SPRED2: variants seen among roughly 807,000 people sequenced by gnomAD.
SPRED2 encodes the protein sprouty related EVH1 domain containing 2.
SPRED2 carries 47 observed loss-of-function variants against 43.0 expected under a neutral mutation model. That is an observed-to-expected ratio of 1.09 (90% confidence interval 0.87 to 1.40). The LOEUF (loss-of-function observed/expected upper bound fraction) is 1.40. Among genes scored for constraint, SPRED2 ranks in the 40% most tolerant of loss-of-function variants. The pLI is 0.00. For synonymous variants in SPRED2, 225 were observed against 225.7 expected (o/e 1.00, Z 0.03); for missense variants, 561 against 586.4 (o/e 0.96, Z 0.45).
At chr2:65,360,506 T>C (rs1674782780) in intron 1 of SPRED2, among the ~76,000 whole-genome samples, 3 of 152,268 alleles carry the variant, frequency 2.0e-5, no homozygotes, top group Non-Finnish European at 2.9e-5. Flanking sequence ...GAAGGAAACA[T>C]TGTCATATGC....
intron 1 of SPRED2, among the ~76,000 whole-genome samples, chr2:65,413,703 A>G (rs1676213331): frequency 6.6e-6 from 1 of 152,178 alleles, no homozygotes; most frequent in Non-Finnish European, 1.5e-5. Context: ...CATCCTTCTC[A>G]GCTCCCTTGA....
At chr2:65,322,442 T>C (rs991720822) in intron 4 of SPRED2, among the ~76,000 whole-genome samples, 2 of 151,458 alleles carry the variant, frequency 1.3e-5, no homozygotes, top group African/African-American at 4.9e-5. Flanking sequence ...TATAGGCACT[T>C]GCCACCACAC....
intron 4 of SPRED2, among the ~76,000 whole-genome samples, chr2:65,317,714 A>T (rs1673285918): frequency 6.6e-6 from 1 of 152,130 alleles, no homozygotes; most frequent in Non-Finnish European, 1.5e-5. Flanking sequence ...AGAGGTAAGG[A>T]TACCGCTGGC....
At chr2:65,394,547 C>G (rs2103697343) in intron 1 of SPRED2, among the ~76,000 whole-genome samples, 1 of 152,332 alleles carries the variant, frequency 6.6e-6, no homozygotes, top group East Asian at 1.9e-4. Context: ...CTAGATCCAA[C>G]ATTCATCGGA....
chr2:65,308,708 GAAAA>G, downstream of SPRED2: 1 of 383,504 alleles, frequency 2.6e-6, no homozygotes, highest in Non-Finnish European at 3.6e-6. Context: ...TTAAATCTGA[GAAAA>G]CTCAGAAAGG....
chr2:65,360,064 C>CAAAAAAAAAAAAAAAA (rs1243375319), intron 1 of SPRED2, among the ~76,000 whole-genome samples: 1 of 43,226 alleles, frequency 2.3e-5, no homozygotes, highest in Admixed American at 2.8e-4. Context: ...GACTCCATCT[C>CAAAAAAAAAAAAAAAA]AAAAAAAAAA....
intron 4 of SPRED2, 118 bp from the exon 5 acceptor site, chr2:65,317,001 C>G: frequency 9.2e-7 from 1 of 1,090,296 alleles, no homozygotes; most frequent in South Asian, 1.5e-5. Flanking sequence ...CAATTTGCTG[C>G]TCTTCCCAAA....
chr2:65,399,114 T>TA (rs1675822921), intron 1 of SPRED2, among the ~76,000 whole-genome samples: 1 of 151,716 alleles, frequency 6.6e-6, no homozygotes, highest in East Asian at 2.0e-4. Flanking sequence ...CTGTCTCTCT[T>TA]AAAAAATAAG....
intron 2 of SPRED2, among the ~76,000 whole-genome samples, chr2:65,339,708 A>G (rs1674122022): frequency 7.6e-6 from 1 of 130,980 alleles, no homozygotes; most frequent in Non-Finnish European, 1.6e-5. Flanking sequence ...TCAATAAAAA[A>G]TAAAATAAAA....
chr2:65,429,884 C>A (rs1676639329), intron 1 of SPRED2, among the ~76,000 whole-genome samples: 1 of 152,212 alleles, frequency 6.6e-6, no homozygotes. Context: ...CTCTGAGAGC[C>A]TGAAATGGAG....
Position 65,311,806 on chromosome 2 carries a change from G to A in SPRED2, c.*1695C>T, listed in dbSNP as rs1048273239. 3.9e-5 allele frequency: 38 copies of A among 985,350 alleles called. No individual in the cohort carries two copies. In the African/African-American group the frequency reaches 5.8e-4, roughly 15 times the overall value. 61.0% of individuals were successfully genotyped at this position (985,350 alleles called of 1,614,324 possible). A position where few individuals can be genotyped will look rare whatever the true frequency, so the allele number is the denominator to read the frequency against. ...TACTAAAGAAAATCGATGAGCTTGT[G>A]GACGAGCTGGAAACAGCCCCATGAA... On this transcript the variant is annotated 3_prime_UTR_variant, in exon 6 of 6. Transcript: ENST00000356388.
chr2:65,419,789 T>C (rs1676377642), intron 1 of SPRED2, among the ~76,000 whole-genome samples: 1 of 152,070 alleles, frequency 6.6e-6, no homozygotes, highest in Non-Finnish European at 1.5e-5. Flanking sequence ...ATGCATGGAG[T>C]GCATATGGTT....
chr2:65,332,813 C>T (rs1176523115), intron 3 of SPRED2, among the ~76,000 whole-genome samples: 1 of 152,166 alleles, frequency 6.6e-6, no homozygotes, highest in African/African-American at 2.4e-5. Flanking sequence ...TGCCCTACTT[C>T]CCCCCACCAC....
In SPRED2 at chr2:65,344,842, G is replaced by T; in HGVS notation, c.81C>A (p.Ser27Arg). ...CTCCTTCCTGTGGGAACCATCCCCC[G>T]CTGGAGTCATCTCTGGTCATAACCA... ...KAVVMTRDDS[S>R]GGWFPQEGGG... Residue 27 changes from serine (S) to arginine (R), a missense_variant, in exon 2 of 6, where the codon AGC becomes AGA. Ser to Arg is a moderately radical substitution (Grantham distance 110). Transcript: ENST00000356388. 6.2e-7 allele frequency: 1 copy of T among 1,613,998 alleles called. No individual in the cohort carries two copies. Among genetic ancestry groups the T allele is most frequent in the Admixed American group, 1.7e-5 (1 of 60,008 alleles).
chr2:65,389,617 T>C (rs1675585423), intron 1 of SPRED2, among the ~76,000 whole-genome samples: 1 of 152,242 alleles, frequency 6.6e-6, no homozygotes, highest in Non-Finnish European at 1.5e-5. Flanking sequence ...GTGGTGCTTC[T>C]ACCTCATGAG....
chr2:65,399,568 A>G (rs1240552149), intron 1 of SPRED2, among the ~76,000 whole-genome samples: 1 of 151,752 alleles, frequency 6.6e-6, no homozygotes, highest in Non-Finnish European at 1.5e-5. Flanking sequence ...TTTTTAGTAG[A>G]GACGGGGTTT....
Position 65,432,142 on chromosome 2 carries a change from G to T in SPRED2, c.-155C>A. 1.1e-6 allele frequency: 1 copy of T among 921,522 alleles called. No homozygotes were observed. The highest frequency in any genetic ancestry group is 1.7e-6 in the Non-Finnish European group (1 of 592,408). 57.1% of individuals were successfully genotyped at this position (921,522 alleles called of 1,614,324 possible). ...AGAGGGCGCCGCAGCAGAAGGGGAA[G>T]CAGGGCGCGGGATAGGGTTTGGGGG... On this transcript the variant is annotated 5_prime_UTR_variant, in exon 1 of 6. Transcript: ENST00000356388.
intron 4 of SPRED2, among the ~76,000 whole-genome samples, chr2:65,327,083 C>A (rs1399699783): frequency 6.6e-6 from 1 of 152,096 alleles, no homozygotes; most frequent in Non-Finnish European, 1.5e-5. Flanking sequence ...AACTCCTGGC[C>A]TCAAGCAATC....
intron 1 of SPRED2, among the ~76,000 whole-genome samples, chr2:65,415,891 A>G (rs2103778577): frequency 6.6e-6 from 1 of 152,362 alleles, no homozygotes; most frequent in South Asian, 2.1e-4. Context: ...AAAGGGCGAA[A>G]GAAAAGGAGC....
Sources: allele counts gnomAD v4.1 joint callset (sites outside exome capture counted in the v4.1 genomes callset), GRCh38; gene constraint gnomAD v4.1.1; transcripts MANE v1.5; gene names NCBI Gene and HGNC (gene_info 2026-07-23, HGNC 2026-07-21).